Variants in SMYD3 observed in about 807,000 individuals in gnomAD.
SMYD3 encodes the protein SET and MYND domain containing 3, also known as histone-lysine N-methyltransferase SMYD3.
Under a neutral mutation model 57.7 loss-of-function variants are expected in SMYD3, and 36 were observed. That is an observed-to-expected ratio of 0.62 (90% CI 0.48 to 0.82). SMYD3 has a LOEUF of 0.82. Among genes scored for constraint, SMYD3 ranks in the 40% least tolerant of loss-of-function variants. SMYD3 has a pLI of 0.00. For synonymous variants in SMYD3, 211 were observed against 195.0 expected (o/e 1.08, Z -0.68); for missense variants, 515 against 538.8 (o/e 0.96, Z 0.44).
chr1:246,494,936 C>T (rs1359814997), intron 1 of SMYD3, among the ~76,000 whole-genome samples: 1 of 152,106 alleles, frequency 6.6e-6, no homozygotes, highest in African/African-American at 2.4e-5. Context: ...CCAGCTGTGG[C>T]AATTTTACCT....
At chr1:246,160,312 A>G (rs1032150816) in intron 5 of SMYD3, among the ~76,000 whole-genome samples, 3 of 152,190 alleles carry the variant, frequency 2.0e-5, no homozygotes, top group Non-Finnish European at 4.4e-5. Context: ...CCTACCTAAT[A>G]TGCATAGAAG....
At chr1:245,907,160 G>A (rs1298245500) in intron 8 of SMYD3, among the ~76,000 whole-genome samples, 2 of 152,132 alleles carry the variant, frequency 1.3e-5, no homozygotes, top group Non-Finnish European at 2.9e-5. Flanking sequence ...TAGCACAATA[G>A]GGTGACTATA....
chr1:245,808,016 C>T (rs1418835097), intron 10 of SMYD3, among the ~76,000 whole-genome samples: 1 of 151,980 alleles, frequency 6.6e-6, no homozygotes, highest in Non-Finnish European at 1.5e-5. Flanking sequence ...CTGCCAAAAT[C>T]AAAATGAGGA....
intron 8 of SMYD3, among the ~76,000 whole-genome samples, chr1:245,894,663 G>A (rs193177549): frequency 1.3e-5 from 2 of 152,172 alleles, no homozygotes; most frequent in Non-Finnish European, 2.9e-5. Flanking sequence ...AGTATCTGAG[G>A]AAGAATCACC....
chr1:245,870,352 G>A (rs2052113758), intron 8 of SMYD3, among the ~76,000 whole-genome samples: 1 of 152,108 alleles, frequency 6.6e-6, no homozygotes, highest in African/African-American at 2.4e-5. Flanking sequence ...CCCTCCCCCA[G>A]CACAGGAAAC....
chr1:245,910,562 A>G (rs909168911), intron 8 of SMYD3, among the ~76,000 whole-genome samples: 12 of 152,148 alleles, frequency 7.9e-5, no homozygotes, highest in Non-Finnish European at 1.3e-4. Context: ...TAAGCATGGT[A>G]CTAGCATAAA....
intron 5 of SMYD3, among the ~76,000 whole-genome samples, chr1:246,051,885 T>C (rs2060073166): frequency 6.6e-6 from 1 of 152,028 alleles, no homozygotes; most frequent in African/African-American, 2.4e-5. Flanking sequence ...CCTTCCAAAA[T>C]TAAATGACCA....
chr1:246,165,801 C>T (rs1367046369), intron 5 of SMYD3, among the ~76,000 whole-genome samples: 2 of 152,062 alleles, frequency 1.3e-5, no homozygotes, highest in Non-Finnish European at 2.9e-5. Flanking sequence ...GAAATTTTTA[C>T]AATGAGACAA....
intron 10 of SMYD3, among the ~76,000 whole-genome samples, chr1:245,815,358 A>G (rs1448291113): frequency 6.6e-6 from 1 of 152,204 alleles, no homozygotes; most frequent in Non-Finnish European, 1.5e-5. Flanking sequence ...TGACCCTACC[A>G]TGCTTTTCCT....
intron 8 of SMYD3, among the ~76,000 whole-genome samples, chr1:245,904,124 T>C (rs2054385897): frequency 6.6e-6 from 1 of 152,188 alleles, no homozygotes; most frequent in African/African-American, 2.4e-5. Flanking sequence ...TCTTGAATTG[T>C]AATCCCCATA....
intron 5 of SMYD3, among the ~76,000 whole-genome samples, chr1:246,278,942 C>T (rs970968875): frequency 5.3e-5 from 8 of 152,192 alleles, no homozygotes; most frequent in African/African-American, 1.9e-4. Flanking sequence ...TGACTGTTGT[C>T]AGGATCATGC....
intron 1 of SMYD3, among the ~76,000 whole-genome samples, chr1:246,502,475 C>T (rs991394535): frequency 6.6e-6 from 1 of 152,058 alleles, no homozygotes; most frequent in Non-Finnish European, 1.5e-5. Context: ...CCTGAATATG[C>T]GCCATTTTTT....
chr1:246,371,626 G>GTATA (rs2066193700), intron 1 of SMYD3, among the ~76,000 whole-genome samples: 1 of 152,078 alleles, frequency 6.6e-6, no homozygotes, highest in Non-Finnish European at 1.5e-5. Flanking sequence ...TTCAAATAAG[G>GTATA]TATAACAATA....
chr1:245,968,529 A>T (rs2058213373), intron 5 of SMYD3, among the ~76,000 whole-genome samples: 1 of 152,230 alleles, frequency 6.6e-6, no homozygotes, highest in African/African-American at 2.4e-5. Flanking sequence ...CAGGTAGTGA[A>T]GGAAATTCAG....
chr1:245,785,953 T>C (rs548763120), intron 10 of SMYD3, among the ~76,000 whole-genome samples: 8 of 151,930 alleles, frequency 5.3e-5, no homozygotes, highest in African/African-American at 1.9e-4. Context: ...AATCCTCCCA[T>C]CTTGGTCTTC....
intron 1 of SMYD3, among the ~76,000 whole-genome samples, chr1:246,409,079 C>CT (rs1282732665): frequency 6.6e-6 from 1 of 152,002 alleles, no homozygotes; most frequent in Admixed American, 6.6e-5. Context: ...GATATTAGCC[C>CT]TTTGTCAGAT....
chr1:245,903,879 A>G (rs1233852406), intron 8 of SMYD3, among the ~76,000 whole-genome samples: 1 of 152,086 alleles, frequency 6.6e-6, no homozygotes, highest in African/African-American at 2.4e-5. Context: ...TTTACCTCCT[A>G]GGCCTCTGGG....
At chr1:245,864,624 G>A (rs1210883351) in intron 8 of SMYD3, among the ~76,000 whole-genome samples, 1 of 152,136 alleles carries the variant, frequency 6.6e-6, no homozygotes, top group Non-Finnish European at 1.5e-5. Context: ...GAGGGAACTG[G>A]AGAGTCACTG....
chr1:246,133,032 G>C (rs150535224), intron 5 of SMYD3, among the ~76,000 whole-genome samples: 87 of 152,110 alleles, frequency 5.7e-4, no homozygotes, highest in African/African-American at 2.0e-3. Context: ...GGTACTGCTG[G>C]TGGAAATATG....
Sources: allele counts gnomAD v4.1 joint callset (sites outside exome capture counted in the v4.1 genomes callset), GRCh38; gene constraint gnomAD v4.1.1; transcripts MANE v1.5; gene names NCBI Gene and HGNC (gene_info 2026-07-23, HGNC 2026-07-21).